Variants in PTPRN2 observed in about 807,000 individuals in gnomAD.
PTPRN2 encodes receptor-type tyrosine-protein phosphatase N2.
Under a neutral mutation model 118.8 loss-of-function variants are expected in PTPRN2, and 74 were observed. The observed-to-expected ratio is 0.62, with a 90% confidence interval of 0.52 to 0.76. The LOEUF (loss-of-function observed/expected upper bound fraction) is 0.76, where lower values mean the gene tolerates loss of function less well. Ranked by LOEUF, PTPRN2 falls within the 30% of genes least tolerant of loss-of-function variation. The probability of loss-of-function intolerance (pLI) is 0.00; values close to 1 mark genes in which losing one functional copy is unlikely to be tolerated. For synonymous variants in PTPRN2, 641 were observed against 608.0 expected (o/e 1.05, Z -0.80); for missense variants, 1,481 against 1,394.4 (o/e 1.06, Z -0.99).
chr7:157,702,407 G>A lies in PTPRN2; in HGVS notation c.1789-19470C>T, dbSNP rs1235595763. Among the ~76,000 whole-genome samples the A allele has an allele frequency of 3.3e-5, 5 of 151,924 alleles. No homozygotes were observed. In the East Asian group the frequency reaches 7.7e-4, roughly 24 times the overall value. ...TAACTGACACGGGCTCTGAGTTTAT[G>A]AGAAAGCCTGGTCGGTGCTGGTGAA... is the stretch of plus-strand genomic sequence containing the variant. On this transcript the variant is annotated intron_variant, in intron 12 of 22. Coordinates refer to ENST00000389418, the MANE Select transcript of PTPRN2 (RefSeq NM_002847.5).
chr7:157,678,984 T>C (rs939197436), intron 13 of PTPRN2, among the ~76,000 whole-genome samples: 1 of 152,208 alleles, frequency 6.6e-6, no homozygotes. Context: ...TCACCTTCCA[T>C]AGAAATAGGA....
chr7:158,030,576 A>G lies in PTPRN2; in HGVS notation c.1723+50722T>C, dbSNP rs140291983. 35 of 152,392 alleles carry G rather than the reference A, an allele frequency of 2.3e-4. 1 individual carries two copies. Among genetic ancestry groups the G allele is most frequent in the African/African-American group, 7.2e-4 (30 of 41,584 alleles). 9.4% of individuals were successfully genotyped at this position (152,392 alleles called of 1,614,324 possible). A position where few individuals can be genotyped will look rare whatever the true frequency, so the allele number is the denominator to read the frequency against. ...GGTGTCCCTAAGAAGGAGACACTGG[A>G]CAGAGACAGAAGTGCCCAGTGGGAA... On this transcript the variant is annotated intron_variant, in intron 11 of 22. Transcript: ENST00000389418.
chr7:158,269,897 CAGAGACAT>C (rs1399946732), intron 3 of PTPRN2, among the ~76,000 whole-genome samples: 2 of 125,346 alleles, frequency 1.6e-5, no homozygotes, highest in East Asian at 3.3e-4. Flanking sequence ...GACAGAGAGA[CAGAGACAT>C]AGAGACAGAG....
Position 157,982,887 on chromosome 7 carries a change from C to T in PTPRN2, c.1724-84150G>A, listed in dbSNP as rs147689663. Among the ~76,000 whole-genome samples the T allele has an allele frequency of 9.2e-3, 1,140 of 123,602 alleles. 5 individuals carry two copies. The highest frequency in any genetic ancestry group is 0.029 in the South Asian group (102 of 3,570). The allele number at this position is 123,602 out of a possible 152,430, so 81.1% of individuals were successfully genotyped here. A position where few individuals can be genotyped will look rare whatever the true frequency, so the allele number is the denominator to read the frequency against. ...GAGTACCGGGTTCCCCCCTAAACCC[C>T]GAGTCACAGAGATGAGGAGGGAATG... is the stretch of plus-strand genomic sequence containing the variant. On this transcript the variant is annotated intron_variant, in intron 11 of 22. Coordinates refer to ENST00000389418, the MANE Select transcript of PTPRN2 (RefSeq NM_002847.5).
chr7:158,461,561 A>G (rs1391887517), intron 2 of PTPRN2, among the ~76,000 whole-genome samples: 1 of 152,108 alleles, frequency 6.6e-6, no homozygotes, highest in East Asian at 1.9e-4. Context: ...AAAAAATATC[A>G]TTCTAGGTGC....
chr7:157,769,563 C>A (rs1354531790), intron 12 of PTPRN2, among the ~76,000 whole-genome samples: 1 of 152,214 alleles, frequency 6.6e-6, no homozygotes, highest in Non-Finnish European at 1.5e-5. Flanking sequence ...TGCTGATACA[C>A]CCCAGACCTT....
intron 2 of PTPRN2, among the ~76,000 whole-genome samples, chr7:158,362,353 A>G (rs1260242746): frequency 4.0e-5 from 6 of 151,638 alleles, no homozygotes; most frequent in African/African-American, 1.5e-4. Flanking sequence ...CCTGGCCCCA[A>G]AGCACAGGAA....
chr7:158,452,238 G>A (rs1343275637), intron 2 of PTPRN2, among the ~76,000 whole-genome samples: 2 of 152,136 alleles, frequency 1.3e-5, no homozygotes, highest in Non-Finnish European at 2.9e-5. Flanking sequence ...TTAGTCTCAT[G>A]TTTGTGTCTG....
At chr7:157,812,144 G>A (rs2151119163) in intron 12 of PTPRN2, among the ~76,000 whole-genome samples, 1 of 152,278 alleles carries the variant, frequency 6.6e-6, no homozygotes, top group Non-Finnish European at 1.5e-5. Flanking sequence ...GGTGAGCAGA[G>A]GGCAGTGTCT....
intron 6 of PTPRN2, among the ~76,000 whole-genome samples, chr7:158,147,498 C>G (rs1398572741): frequency 8.5e-6 from 1 of 118,126 alleles, no homozygotes; most frequent in African/African-American, 3.7e-5. Context: ...GACACCCCAT[C>G]TCACGCCACA....
chr7:158,073,627 G>A (rs530873816), intron 11 of PTPRN2, among the ~76,000 whole-genome samples: 9 of 149,468 alleles, frequency 6.0e-5, no homozygotes, highest in Non-Finnish European at 8.8e-5. Context: ...CTTTCTATGC[G>A]GAGATGAGGC....
chr7:157,866,291 C>T (rs1810660600), intron 12 of PTPRN2, among the ~76,000 whole-genome samples: 1 of 152,134 alleles, frequency 6.6e-6, no homozygotes, highest in Non-Finnish European at 1.5e-5. Flanking sequence ...TGCATATTCA[C>T]ACAAACACAC....
intron 12 of PTPRN2, among the ~76,000 whole-genome samples, chr7:157,732,415 T>C (rs374828771): frequency 1.1e-4 from 1 of 9,160 alleles, no homozygotes. Flanking sequence ...GTTACCCTTT[T>C]CCGCCCCATG....
intron 11 of PTPRN2, among the ~76,000 whole-genome samples, chr7:157,949,540 T>C (rs368917878): frequency 7.9e-5 from 12 of 152,350 alleles, no homozygotes; most frequent in South Asian, 4.1e-4. Flanking sequence ...TTGAACATCA[T>C]TGAGGGGCTC....
chr7:158,143,925 T>C (rs1354861815), intron 6 of PTPRN2, among the ~76,000 whole-genome samples: 1 of 151,898 alleles, frequency 6.6e-6, no homozygotes, highest in Non-Finnish European at 1.5e-5. Context: ...GGCAGCAGAG[T>C]GGCCACCGTC....
intron 12 of PTPRN2, among the ~76,000 whole-genome samples, chr7:157,776,987 C>CTCCCTCTCCTCCTCT (rs1249475727): frequency 3.0e-4 from 44 of 145,536 alleles, no homozygotes; most frequent in African/African-American, 9.0e-4. Context: ...CCTTCTCCTC[C>CTCCCTCTCCTCCTCT]TCCCTCTCCT....
intron 12 of PTPRN2, among the ~76,000 whole-genome samples, chr7:157,720,740 A>G (rs1799188412): frequency 6.6e-6 from 1 of 152,170 alleles, no homozygotes; most frequent in Non-Finnish European, 1.5e-5. Context: ...CACTCTTTAT[A>G]ATAGAAATTA....
intron 12 of PTPRN2, among the ~76,000 whole-genome samples, chr7:157,797,984 C>T (rs970314016): frequency 6.6e-6 from 1 of 152,210 alleles, no homozygotes; most frequent in Non-Finnish European, 1.5e-5. Context: ...CTGGGCCAGG[C>T]GTCGTGGCTC....
chr7:157,842,182 G>A (rs1214395176), intron 12 of PTPRN2, among the ~76,000 whole-genome samples: 2 of 152,040 alleles, frequency 1.3e-5, no homozygotes, highest in South Asian at 2.1e-4. Flanking sequence ...CTTTGTGCGT[G>A]GGGCTGTGAA....
Sources: gnomAD v4.1 joint callset for allele counts (sites outside exome capture counted in the v4.1 genomes callset) on GRCh38, gnomAD v4.1.1 for gene constraint, MANE v1.5 for transcripts, NCBI Gene and HGNC (gene_info 2026-07-23, HGNC 2026-07-21) for gene names.